The following RELL1 variants were observed in gnomAD, a reference collection of about 807,000 sequenced individuals.
RELL1 encodes RELT like 1.
RELL1 carries 10 observed loss-of-function variants against 23.0 expected under a neutral mutation model. That is an observed-to-expected ratio of 0.43 (90% CI 0.27 to 0.74). The LOEUF (loss-of-function observed/expected upper bound fraction) is 0.74, where lower values mean the gene tolerates loss of function less well. Ranked by LOEUF, RELL1 falls within the 30% of genes least tolerant of loss-of-function variation. The pLI, the probability that RELL1 is intolerant of heterozygous loss-of-function variation, is 0.19. For synonymous variants in RELL1, 146 were observed against 146.8 expected (o/e 0.99, Z 0.04); for missense variants, 315 against 364.4 (o/e 0.86, Z 1.10).
intron 1 of RELL1, among the ~76,000 whole-genome samples, chr4:37,654,420 G>A (rs1015581183): frequency 6.6e-6 from 1 of 152,168 alleles, no homozygotes; most frequent in Non-Finnish European, 1.5e-5. Flanking sequence ...GCAGAGTGGA[G>A]AATATATTGT....
chr4:37,604,880 T>G (rs145439281), intron 6 of RELL1, among the ~76,000 whole-genome samples: 1,772 of 36,918 alleles, frequency 0.048, 67 homozygotes, highest in East Asian at 0.18. Context: ...CACACACACA[T>G]ACACACAGAC....
chr4:37,606,491 G>C (rs1484863661), downstream of RELL1, among the ~76,000 whole-genome samples: 1 of 152,220 alleles, frequency 6.6e-6, no homozygotes, highest in Non-Finnish European at 1.5e-5. This position sits in a 1 kb window ranked among gnomAD's most constrained non-coding sequence, Gnocchi z 4.1. Flanking sequence ...ATGTAATCAA[G>C]TTAAGATAAA....
intron 1 of RELL1, among the ~76,000 whole-genome samples, chr4:37,653,493 A>C (rs149148583): frequency 0.017 from 2,626 of 152,158 alleles, 34 homozygotes; most frequent in South Asian, 0.028. Context: ...TCTTAGGAAA[A>C]TGGCATGAAC....
intron 1 of RELL1, among the ~76,000 whole-genome samples, chr4:37,669,381 G>A (rs1473455170): frequency 3.4e-5 from 5 of 145,906 alleles, no homozygotes; most frequent in African/African-American, 1.3e-4. Context: ...TCCCCGGCCC[G>A]GCCAGCCGCC....
intron 1 of RELL1, among the ~76,000 whole-genome samples, chr4:37,650,632 G>GA (rs1477837341): frequency 6.6e-6 from 1 of 152,106 alleles, no homozygotes; most frequent in Non-Finnish European, 1.5e-5. Flanking sequence ...ATCTTTTGGA[G>GA]AAAAGGGAAG....
downstream of RELL1, chr4:37,589,977 A>G: frequency 1.2e-6 from 1 of 835,300 alleles, no homozygotes; most frequent in Non-Finnish European, 1.9e-6. Context: ...TCTAGGTTGA[A>G]AAGTAATCAC....
At chr4:37,653,191 A>G (rs1441195599) in intron 1 of RELL1, among the ~76,000 whole-genome samples, 3 of 152,176 alleles carry the variant, frequency 2.0e-5, no homozygotes, top group African/African-American at 7.2e-5. Context: ...TAGCTACTCC[A>G]TGCTCACCTT....
At chr4:37,594,555 C>A (rs1718762508) in intron 6 of RELL1, among the ~76,000 whole-genome samples, 1 of 152,054 alleles carries the variant, frequency 6.6e-6, no homozygotes, top group African/African-American at 2.4e-5. Context: ...TTAGATTTAA[C>A]TTTTTACTGG....
At chr4:37,683,090 C>G (rs1304558145) in intron 1 of RELL1, among the ~76,000 whole-genome samples, 2 of 152,204 alleles carry the variant, frequency 1.3e-5, no homozygotes, top group Non-Finnish European at 2.9e-5. Flanking sequence ...CACTACCCAC[C>G]GTGAAGCTAT....
At chr4:37,677,184 G>C (rs1370376637) in intron 1 of RELL1, among the ~76,000 whole-genome samples, 3 of 152,164 alleles carry the variant, frequency 2.0e-5, no homozygotes, top group African/African-American at 4.8e-5. Context: ...GAGAAACCAG[G>C]CCCTTGAGCA....
chr4:37,599,848 T>G (rs1401241415), intron 6 of RELL1, among the ~76,000 whole-genome samples: 1 of 152,176 alleles, frequency 6.6e-6, no homozygotes, highest in African/African-American at 2.4e-5. Flanking sequence ...TAGCTTAAGA[T>G]TCCTTTCCTC....
chr4:37,647,408 G>T lies in RELL1; in HGVS notation c.345C>A (p.Asp115Glu). The change falls in exon 3 of 7, where the codon GAC becomes GAA. Residue 115 changes from aspartate (D) to glutamate (E), a missense_variant. By Grantham distance (45) the Asp-to-Glu change is conservative. Transcript: ENST00000454158. ...TGTAGTGGACGATTTGCCCAACAGTGTCACTGTTTTCATTCACACTGTCAT... is the reference window on the plus strand; with the variant it reads ...TGTAGTGGACGATTTGCCCAACAGTTTCACTGTTTTCATTCACACTGTCAT... Reference protein sequence around the residue: ...ELNDSVNENSDTVGQIVHYIM... With the variant: ...ELNDSVNENSETVGQIVHYIM... 6.2e-7 allele frequency: 1 copy of T among 1,613,326 alleles called. No individual in the cohort carries two copies. Among genetic ancestry groups the T allele is most frequent in the Non-Finnish European group, 8.5e-7 (1 of 1,179,312 alleles).
downstream of RELL1, among the ~76,000 whole-genome samples, chr4:37,608,343 G>T (rs1411101681): frequency 6.6e-6 from 1 of 152,156 alleles, no homozygotes; most frequent in Non-Finnish European, 1.5e-5. Flanking sequence ...AAATAGTTAA[G>T]TTGTGAATGC....
intron 4 of RELL1, among the ~76,000 whole-genome samples, chr4:37,635,640 T>C (rs183129258): frequency 6.6e-6 from 1 of 151,976 alleles, no homozygotes; most frequent in Admixed American, 6.5e-5. Flanking sequence ...GAAAAAAAAA[T>C]GTGATTTATC....
chr4:37,631,654 A>T, intron 5 of RELL1, 131 bp from the exon 6 acceptor site: 2 of 912,970 alleles, frequency 2.2e-6, no homozygotes, highest in South Asian at 3.4e-5. Flanking sequence ...AATGAAAAAC[A>T]ACATATTCGA....
intron 1 of RELL1, among the ~76,000 whole-genome samples, chr4:37,660,978 C>T (rs1721330016): frequency 6.6e-6 from 1 of 151,716 alleles, no homozygotes; most frequent in Non-Finnish European, 1.5e-5. Context: ...TTGCAGTGAG[C>T]CGAGACTGTG....
Position 37,649,454 on chromosome 4 carries a change from C to T in RELL1, c.135G>A (p.Pro45=), listed in dbSNP as rs372421212. 10 of 1,613,974 alleles carry T rather than the reference C, an allele frequency of 6.2e-6. No individual in the cohort carries two copies. The highest frequency in any genetic ancestry group is 2.7e-5 in the African/African-American group (2 of 74,930). The change falls in exon 2 of 7, where the codon CCG becomes CCA. Residue 45 remains proline (P), a synonymous_variant. Coordinates refer to ENST00000454158, the MANE Select transcript of RELL1 (RefSeq NM_001085400.2). ...RTLHSRTETT[P]SPSNDTGNGH... Reference sequence around the variant, plus strand: ...CATTCCCAGTATCGTTGCTGGGCGACGGGGTCGTCTCTGTTCTGGAGTGCA... The same window carrying T: ...CATTCCCAGTATCGTTGCTGGGCGATGGGGTCGTCTCTGTTCTGGAGTGCA...
At position 37,665,749 on chromosome 4, in the gene RELL1, T is replaced by A. The variant is rs1721510310; in HGVS notation, c.89-16249A>T. Among the ~76,000 whole-genome samples, 3 of 152,198 alleles carry A rather than the reference T, an allele frequency of 2.0e-5. No homozygotes were observed. In the South Asian group the frequency reaches 6.2e-4, roughly 31 times the overall value. On this transcript the variant is annotated intron_variant, in intron 1 of 6. Coordinates refer to ENST00000454158, the MANE Select transcript of RELL1 (RefSeq NM_001085400.2). ...GGAAGAAATGGGGTCAAAGGGGTGC[T>A]CCTTTAGGAAATCAGTGAATTCCCT...
chr4:37,636,549 C>T (rs1466276496), intron 4 of RELL1, among the ~76,000 whole-genome samples: 3 of 149,808 alleles, frequency 2.0e-5, no homozygotes, highest in Non-Finnish European at 3.0e-5. Context: ...GAGCCTAGAT[C>T]GCGCCACTGC....
Sources: gnomAD v4.1 joint callset for allele counts (sites outside exome capture counted in the v4.1 genomes callset) on GRCh38, gnomAD v4.1.1 for gene constraint, Gnocchi (gnomAD v3.1) non-coding constraint, MANE v1.5 for transcripts, NCBI Gene and HGNC (gene_info 2026-07-23, HGNC 2026-07-21) for gene names.